PRKDC: variants seen among roughly 807,000 people sequenced by gnomAD.
The protein encoded by PRKDC is DNA-dependent protein kinase catalytic subunit.
A neutral mutation model predicts 486.9 loss-of-function variants in PRKDC; 82 were observed. The observed-to-expected ratio is 0.17, with a 90% CI of 0.14 to 0.20. PRKDC has a LOEUF of 0.20. Ranked by LOEUF, PRKDC falls within the 10% of genes least tolerant of loss-of-function variation. PRKDC has a pLI of 1.00. For missense variants in PRKDC, 4,504 were observed against 5,038.2 expected (o/e 0.89, Z 3.21); for synonymous variants, 1,895 against 1,837.0 (o/e 1.03, Z -0.81).
intron 11 of PRKDC, 54 bp downstream of exon 11, chr8:47,939,497 C>A: frequency 3.2e-6 from 5 of 1,562,216 alleles, no homozygotes; most frequent in South Asian, 1.1e-5. Context: ...AATTAGATTC[C>A]TTTAAACAAT....
chr8:47,839,883 AGGAT>A, intron 55 of PRKDC, 129 bp downstream of exon 55: 1 of 621,012 alleles, frequency 1.6e-6, no homozygotes, highest in South Asian at 3.1e-5. Flanking sequence ...CTGAGATGGA[AGGAT>A]CAACTGAGCC....
intron 73 of PRKDC, among the ~76,000 whole-genome samples, chr8:47,795,338 T>C (rs944640721): frequency 2.6e-4 from 39 of 149,040 alleles, no homozygotes; most frequent in Admixed American, 8.7e-4. Flanking sequence ...TACAGGCGCC[T>C]GCCACCACGC....
chr8:47,826,552 T>TATC (rs1361669969), intron 63 of PRKDC, 104 bp downstream of exon 63: 2 of 1,161,956 alleles, frequency 1.7e-6, no homozygotes, highest in African/African-American at 3.1e-5. Flanking sequence ...TTAGTGTTAC[T>TATC]ATCAACTTTA....
chr8:47,918,988 T>G (rs1589792331), intron 21 of PRKDC, among the ~76,000 whole-genome samples: 1 of 152,012 alleles, frequency 6.6e-6, no homozygotes, highest in Non-Finnish European at 1.5e-5. Flanking sequence ...ATCATAAACT[T>G]ACAGAGGATG....
intron 40 of PRKDC, among the ~76,000 whole-genome samples, chr8:47,872,414 G>T (rs1221941881): frequency 6.7e-6 from 1 of 148,456 alleles, no homozygotes; most frequent in Non-Finnish European, 1.5e-5. Context: ...ACAAATGGTA[G>T]AAGTCCACAC....
chr8:47,926,132 G>T (rs189472286), intron 21 of PRKDC, among the ~76,000 whole-genome samples: 1 of 152,094 alleles, frequency 6.6e-6, no homozygotes, highest in African/African-American at 2.4e-5. Context: ...AAAGATATAT[G>T]CTATCAGATA....
At chr8:47,838,558 G>C (rs2088075845) in intron 56 of PRKDC, among the ~76,000 whole-genome samples, 2 of 152,172 alleles carry the variant, frequency 1.3e-5, no homozygotes, top group African/African-American at 4.8e-5. Flanking sequence ...GCTACAGTGA[G>C]CTACAGTTAC....
At chr8:47,933,902 C>G in intron 15 of PRKDC, 63 bp downstream of exon 15, 1 of 1,475,178 alleles carries the variant, frequency 6.8e-7, no homozygotes, top group Admixed American at 2.0e-5. Context: ...AGTCTTATGT[C>G]TAAACTATGG....
chr8:47,780,055 C>T (rs2086673020), intron 80 of PRKDC, among the ~76,000 whole-genome samples: 1 of 151,276 alleles, frequency 6.6e-6, no homozygotes, highest in Admixed American at 6.6e-5. Context: ...GCTGGGATTA[C>T]AGGCGCCCGC....
At chr8:47,831,599 C>G (rs537455187) in intron 60 of PRKDC, among the ~76,000 whole-genome samples, 19 of 152,214 alleles carry the variant, frequency 1.2e-4, no homozygotes, top group African/African-American at 4.3e-4. Context: ...CACTTCCACC[C>G]GCGGAGAGAA....
chr8:47,927,302 T>C lies in PRKDC; in HGVS notation c.2311A>G (p.Asn771Asp). 6.2e-7 allele frequency: 1 copy of C among 1,613,780 alleles called. No individual in the cohort carries two copies. Among genetic ancestry groups the C allele is most frequent in the Non-Finnish European group, 8.5e-7 (1 of 1,179,732 alleles). ...TAAATTGACCATTCTTCTAGAGCAT[T>C]CAGGCCTACTTCTGCCAAGGGGGTA... ...SYTPLAEVGL[N>D]ALEEWSIYID... Residue 771 changes from asparagine to aspartate, a missense_variant, in exon 21 of 86, where the codon AAT becomes GAT. This residue lies in a region of PRKDC where 1,969 missense variants were observed against 2,068.9 expected (regional missense o/e 0.95). Transcript: ENST00000314191.
intron 59 of PRKDC, among the ~76,000 whole-genome samples, chr8:47,833,493 T>A (rs1264916017): frequency 7.6e-4 from 116 of 152,250 alleles, no homozygotes; most frequent in Non-Finnish European, 1.3e-3. Flanking sequence ...TCTGGTCATC[T>A]GTTAGCCAAG....
At chr8:47,869,274 T>C (rs1346868474) in intron 40 of PRKDC, among the ~76,000 whole-genome samples, 1 of 151,336 alleles carries the variant, frequency 6.6e-6, no homozygotes, top group Non-Finnish European at 1.5e-5. Context: ...TTTCTTCTGC[T>C]TGAGGACAGG....
chr8:47,843,576 T>C (rs1313645233), intron 54 of PRKDC, among the ~76,000 whole-genome samples: 1 of 151,892 alleles, frequency 6.6e-6, no homozygotes, highest in Non-Finnish European at 1.5e-5. Flanking sequence ...TACAAGACCA[T>C]CCCCAAGACA....
intron 46 of PRKDC, 47 bp from the exon 47 acceptor site, chr8:47,859,033 A>G (rs1049008800): frequency 1.2e-6 from 2 of 1,601,640 alleles, no homozygotes; most frequent in Non-Finnish European, 8.5e-7. Context: ...GTTAACATTC[A>G]GTGGACAAGG....
At chr8:47,829,561 T>G (rs964064414) in intron 61 of PRKDC, among the ~76,000 whole-genome samples, 24 of 152,188 alleles carry the variant, frequency 1.6e-4, no homozygotes, top group African/African-American at 5.5e-4. Flanking sequence ...ATTTGATTTA[T>G]TCCTTATTGT....
At chr8:47,793,735 A>G (rs2086926770) in intron 74 of PRKDC, among the ~76,000 whole-genome samples, 1 of 151,506 alleles carries the variant, frequency 6.6e-6, no homozygotes, top group Admixed American at 6.6e-5. Context: ...TCTTGTTGAA[A>G]TCAATACATT....
chr8:47,956,699 T>C (rs1446286839), intron 3 of PRKDC, among the ~76,000 whole-genome samples: 1 of 151,346 alleles, frequency 6.6e-6, no homozygotes, highest in Non-Finnish European at 1.5e-5. Flanking sequence ...CAAAACCCTG[T>C]CTCACAAAAT....
In PRKDC at chr8:47,810,114, G is replaced by C. The variant is rs1301935522; in HGVS notation, c.9558-2788C>G. ...CAGCACAGGTTTGGACAGGAACTGAGGTTTCAACCAACAAAAGGAAAGACA... is the reference window on the plus strand; with the variant it reads ...CAGCACAGGTTTGGACAGGAACTGACGTTTCAACCAACAAAAGGAAAGACA... On this transcript the variant is annotated intron_variant, in intron 68 of 85. Coordinates refer to ENST00000314191, the MANE Select transcript of PRKDC (RefSeq NM_006904.7). Among the ~76,000 whole-genome samples, 7 of 152,302 alleles carry C rather than the reference G, an allele frequency of 4.6e-5. No homozygotes were observed. In the East Asian group the frequency reaches 1.2e-3, roughly 25 times the overall value.
Sources: allele counts gnomAD v4.1 joint callset (sites outside exome capture counted in the v4.1 genomes callset), GRCh38; gene constraint gnomAD v4.1.1; regional missense constraint gnomAD v4.1.1; transcripts MANE v1.5; gene names NCBI Gene and HGNC (gene_info 2026-07-23, HGNC 2026-07-21).